The following ATP6V1F variants were observed in gnomAD, a reference collection of about 807,000 sequenced individuals.
The protein encoded by ATP6V1F is ATPase H+ transporting V1 subunit F, also known as V-type proton ATPase subunit F.
A neutral mutation model predicts 6.6 loss-of-function variants in ATP6V1F; 4 were observed. The ratio of observed to expected loss-of-function variants is 0.60; its 90% confidence interval spans 0.30 to 1.38. The LOEUF (loss-of-function observed/expected upper bound fraction) is 1.38, where lower values mean the gene tolerates loss of function less well. Ranked by LOEUF, ATP6V1F falls within the 40% of genes most tolerant of loss-of-function variation. The pLI is 0.08. For synonymous variants in ATP6V1F, 68 were observed against 66.9 expected (o/e 1.02, Z -0.08); for missense variants, 136 against 165.5 (o/e 0.82, Z 0.98).
chr7:128,865,339 A>G lies in ATP6V1F; in HGVS notation c.159-38A>G, dbSNP rs772790071. The G allele has an allele frequency of 6.2e-7, 1 of 1,610,422 alleles. No individual in the cohort carries two copies. On this transcript the variant is annotated intron_variant, in intron 1 of 1. Coordinates refer to ENST00000249289, the MANE Select transcript of ATP6V1F (RefSeq NM_004231.4). This position sits in a 1 kb window ranked among gnomAD's most constrained non-coding sequence, Gnocchi z 4.4. Reference sequence around the variant, plus strand: ...CTGGGTAGGAGAGACGGCAGCCCCCAGAGCTGTCCTGGACTCCCTTCTCAT... The same window carrying G: ...CTGGGTAGGAGAGACGGCAGCCCCCGGAGCTGTCCTGGACTCCCTTCTCAT...
chr7:128,862,987 T>C lies in ATP6V1F; in HGVS notation c.83T>C (p.Leu28Pro). 3 of 1,613,534 alleles carry C rather than the reference T, an allele frequency of 1.9e-6. No homozygotes were observed. Among genetic ancestry groups the C allele is most frequent in the Non-Finnish European group, 1.7e-6 (2 of 1,179,746 alleles). Residue 28 changes from leucine (L) to proline (P), a missense_variant, in exon 1 of 2, where the codon CTT becomes CCT. By Grantham distance (98) the Leu-to-Pro change is moderately conservative (BLOSUM62 -3). Transcript: ENST00000249289. Reference sequence around the variant, plus strand: ...TTCCTGCTGGGCGGCATAGGGGAGCTTAACAAGAACCGCCATCCCAATTTC... The same window carrying C: ...TTCCTGCTGGGCGGCATAGGGGAGCCTAACAAGAACCGCCATCCCAATTTC... ...TGFLLGGIGELNKNRHPNFLV... is the reference protein window; with the variant it reads ...TGFLLGGIGEPNKNRHPNFLV...
Position 128,865,478 on chromosome 7 carries a change from C to T in ATP6V1F, c.260C>T (p.Ala87Val), listed in dbSNP as rs1285004015. ...GACGCCCACCAGCAGTCCATCCCCG[C>T]TGTCCTGGAGATCCCCTCCAAGGAG... ...ALDAHQQSIP[A>V]VLEIPSKEHP... Residue 87 changes from alanine (A) to valine (V), a missense_variant, in exon 2 of 2, where the codon GCT becomes GTT. Coordinates refer to ENST00000249289, the MANE Select transcript of ATP6V1F (RefSeq NM_004231.4). The surrounding 1 kb of genome is among the most constrained non-coding windows in gnomAD (Gnocchi z 4.4). The T allele has an allele frequency of 6.2e-7, 1 of 1,614,194 alleles. No individual in the cohort carries two copies. Among genetic ancestry groups the T allele is most frequent in the Non-Finnish European group, 8.5e-7 (1 of 1,180,046 alleles).
In ATP6V1F at chr7:128,863,020, TGGA is replaced by T; in HGVS notation, c.118_120del (p.Glu40del). The T allele has an allele frequency of 2.5e-6, 4 of 1,613,262 alleles. No homozygotes were observed. The highest frequency in any genetic ancestry group is 1.7e-6 in the Non-Finnish European group (2 of 1,179,684). On this transcript the variant is annotated inframe_deletion, in exon 1 of 2. Coordinates refer to ENST00000249289, the MANE Select transcript of ATP6V1F (RefSeq NM_004231.4). ...AACCGCCATCCCAATTTCCTGGTGG[TGGA>T]GAAGGATACAACCATCAATGAGATC...
chr7:128,863,438 C>T (rs1441471137), intron 1 of ATP6V1F, among the ~76,000 whole-genome samples: 1 of 152,164 alleles, frequency 6.6e-6, no homozygotes, highest in Non-Finnish European at 1.5e-5. Context: ...GGGTAAGGCA[C>T]ACACTAAAGT....
At chr7:128,864,290 G>A (rs984440269) in intron 1 of ATP6V1F, among the ~76,000 whole-genome samples, 14 of 151,808 alleles carry the variant, frequency 9.2e-5, no homozygotes, top group African/African-American at 2.7e-4. Flanking sequence ...ACTGCAGTGA[G>A]CCGAGATCCA....
At chr7:128,864,681 G>A (rs1339852577) in intron 1 of ATP6V1F, among the ~76,000 whole-genome samples, 1 of 151,146 alleles carries the variant, frequency 6.6e-6, no homozygotes, top group African/African-American at 2.4e-5. Flanking sequence ...GCTCACTGCG[G>A]CCTCGACTTC....
chr7:128,862,918 G>T lies in ATP6V1F; in HGVS notation c.14G>T (p.Gly5Val), dbSNP rs147175274. The T allele has an allele frequency of 2.0e-4, 329 of 1,607,648 alleles. 1 individual carries two copies. Among genetic ancestry groups the T allele is most frequent in the Middle Eastern group, 9.9e-4 (6 of 6,036 alleles). The stretch of plus-strand genomic sequence containing the variant: ...CCGGCTGCAGGGATGGCGGGGAGGG[G>T]TAAGCTCATCGCAGTGATCGGAGAC... MAGR[G>V]KLIAVIGDED... Residue 5 changes from glycine (G) to valine (V), a missense_variant, in exon 1 of 2, where the codon GGT becomes GTT. Gly to Val is a moderately radical substitution (Grantham distance 109, BLOSUM62 -3). Transcript: ENST00000249289.
intron 1 of ATP6V1F, among the ~76,000 whole-genome samples, chr7:128,863,707 T>C (rs569127803): frequency 6.6e-6 from 1 of 152,248 alleles, no homozygotes; most frequent in African/African-American, 2.4e-5. Flanking sequence ...GTGACTGGAA[T>C]TAAGGATACC....
In ATP6V1F at chr7:128,865,138, G is replaced by A. The variant is rs935909658; in HGVS notation, c.159-239G>A. 27 of 1,536,068 alleles carry A rather than the reference G, an allele frequency of 1.8e-5. No homozygotes were observed. The highest frequency in any genetic ancestry group is 1.7e-4 in the Middle Eastern group (1 of 6,012). On this transcript the variant is annotated intron_variant, in intron 1 of 1. Coordinates refer to ENST00000249289, the MANE Select transcript of ATP6V1F (RefSeq NM_004231.4). This position sits in a 1 kb window ranked among gnomAD's most constrained non-coding sequence, Gnocchi z 4.4. ...TTACCAGTTCACTTGGAAGCCTTCC[G>A]GGCAGTGTTGTAGAAGCCAACCCTA...
At position 128,865,378 on chromosome 7, in the gene ATP6V1F, C is replaced by T. The variant is rs1409458793; in HGVS notation, c.160C>T (p.Gln54Ter). Residue 54 changes from glutamine (Q) to a stop codon, truncating the protein, a stop_gained and splice_region_variant, in exon 2 of 2, where the codon CAA becomes TAA. Transcript: ENST00000249289. LOFTEE classifies it high-confidence loss of function. This position sits in a 1 kb window ranked among gnomAD's most constrained non-coding sequence, Gnocchi z 4.4. ...TINEIEDTFRQFLNRDDIGII... is the reference protein window; with the variant it reads ...TINEIEDTFR The stretch of plus-strand genomic sequence containing the variant: ...CTCCCTTCTCATCTCTCCCCACAGG[C>T]AATTTCTAAACCGGGATGACATTGG... 2.5e-6 allele frequency: 4 copies of T among 1,613,974 alleles called. No individual in the cohort carries two copies. Among genetic ancestry groups the T allele is most frequent in the Non-Finnish European group, 3.4e-6 (4 of 1,180,018 alleles).
intron 1 of ATP6V1F, among the ~76,000 whole-genome samples, chr7:128,864,675 A>G (rs556140487): frequency 6.8e-6 from 1 of 146,388 alleles, no homozygotes; most frequent in East Asian, 2.0e-4. Flanking sequence ...ATCGCAGCTC[A>G]CTGCGGCCTC....
chr7:128,865,431 A>G lies in ATP6V1F; in HGVS notation c.213A>G (p.Ala71=). Residue 71 remains alanine (A), a synonymous_variant, in exon 2 of 2, where the codon GCA becomes GCG. Coordinates refer to ENST00000249289, the MANE Select transcript of ATP6V1F (RefSeq NM_004231.4). The surrounding 1 kb of genome is among the most constrained non-coding windows in gnomAD (Gnocchi z 4.4). Reference sequence around the variant, plus strand: ...TCATCCTCATCAACCAGTACATCGCAGAGATGGTGCGGCATGCCCTGGACG... The same window carrying G: ...TCATCCTCATCAACCAGTACATCGCGGAGATGGTGCGGCATGCCCTGGACG... The part of the protein sequence containing the change: ...IGIILINQYI[A]EMVRHALDAH... 6.2e-7 allele frequency: 1 copy of G among 1,614,196 alleles called. No homozygotes were observed. Among genetic ancestry groups the G allele is most frequent in the African/African-American group, 1.3e-5 (1 of 75,068 alleles).
chr7:128,865,351 G>T lies in ATP6V1F; in HGVS notation c.159-26G>T. ...GACGGCAGCCCCCAGAGCTGTCCTGGACTCCCTTCTCATCTCTCCCCACAG... is the reference window on the plus strand; with the variant it reads ...GACGGCAGCCCCCAGAGCTGTCCTGTACTCCCTTCTCATCTCTCCCCACAG... On this transcript the variant is annotated intron_variant, in intron 1 of 1. Transcript: ENST00000249289. This position sits in a 1 kb window ranked among gnomAD's most constrained non-coding sequence, Gnocchi z 4.4. 6.2e-7 allele frequency: 1 copy of T among 1,613,232 alleles called. No homozygotes were observed. The highest frequency in any genetic ancestry group is 8.5e-7 in the Non-Finnish European group (1 of 1,179,526).
Position 128,865,473 on chromosome 7 carries a change from C to G in ATP6V1F, c.255C>G (p.Ile85Met), listed in dbSNP as rs370506659. Residue 85 changes from isoleucine (I) to methionine (M), a missense_variant, in exon 2 of 2, where the codon ATC becomes ATG. Transcript: ENST00000249289. This position sits in a 1 kb window ranked among gnomAD's most constrained non-coding sequence, Gnocchi z 4.4. Reference protein sequence around the residue: ...RHALDAHQQSIPAVLEIPSKE... With the variant: ...RHALDAHQQSMPAVLEIPSKE... ...CCCTGGACGCCCACCAGCAGTCCAT[C>G]CCCGCTGTCCTGGAGATCCCCTCCA... is the stretch of plus-strand genomic sequence containing the variant. 1 of 1,614,168 alleles carries G rather than the reference C, an allele frequency of 6.2e-7. No homozygotes were observed. Among genetic ancestry groups the G allele is most frequent in the Non-Finnish European group, 8.5e-7 (1 of 1,180,036 alleles).
rs1468071695 is a variant in ATP6V1F, at chr7:128,865,575, C to T, written c.357C>T (p.Arg119=). ...GCATGTTCACTGCCGAAGACCTGCG[C>T]TAGGGGACTCCTCATAGCCCTCAGC... is the stretch of plus-strand genomic sequence containing the variant. ...ARGMFTAEDL[R] is the part of the protein sequence containing the mutation. Residue 119 remains arginine, a synonymous_variant, in exon 2 of 2, where the codon CGC becomes CGT. Transcript: ENST00000249289. The surrounding 1 kb of genome is among the most constrained non-coding windows in gnomAD (Gnocchi z 4.4). 1.2e-6 allele frequency: 2 copies of T among 1,613,162 alleles called. No homozygotes were observed. The highest frequency in any genetic ancestry group is 1.7e-5 in the Admixed American group (1 of 59,968).
At position 128,865,581 on chromosome 7, in the gene ATP6V1F, GA is replaced by G. The variant is rs1563008947; in HGVS notation, c.*4del. On this transcript the variant is annotated 3_prime_UTR_variant, in exon 2 of 2. Transcript: ENST00000249289. The surrounding 1 kb of genome is among the most constrained non-coding windows in gnomAD (Gnocchi z 4.4). ...TCACTGCCGAAGACCTGCGCTAGGG[GA>G]CTCCTCATAGCCCTCAGCCCTTCCC... is the stretch of plus-strand genomic sequence containing the variant. The G allele has an allele frequency of 6.2e-7, 1 of 1,612,776 alleles. No homozygotes were observed. The highest frequency in any genetic ancestry group is 1.7e-5 in the Admixed American group (1 of 59,940).
chr7:128,864,455 T>C (rs751236339), intron 1 of ATP6V1F, among the ~76,000 whole-genome samples: 8 of 152,364 alleles, frequency 5.3e-5, no homozygotes, highest in Admixed American at 3.9e-4. Flanking sequence ...CAAGGTGTCC[T>C]CTTCCTAGCT....
At position 128,862,995 on chromosome 7, in the gene ATP6V1F, A is replaced by G; in HGVS notation, c.91A>G (p.Asn31Asp). 1 of 1,613,686 alleles carries G rather than the reference A, an allele frequency of 6.2e-7. No individual in the cohort carries two copies. The highest frequency in any genetic ancestry group is 8.5e-7 in the Non-Finnish European group (1 of 1,179,824). Reference sequence around the variant, plus strand: ...GGGCGGCATAGGGGAGCTTAACAAGAACCGCCATCCCAATTTCCTGGTGGT... The same window carrying G: ...GGGCGGCATAGGGGAGCTTAACAAGGACCGCCATCCCAATTTCCTGGTGGT... ...LLGGIGELNK[N>D]RHPNFLVVEK... Residue 31 changes from asparagine to aspartate, a missense_variant, in exon 1 of 2, where the codon AAC (asparagine) becomes GAC (aspartate). Coordinates refer to ENST00000249289, the MANE Select transcript of ATP6V1F (RefSeq NM_004231.4).
chr7:128,865,476 C>A lies in ATP6V1F; in HGVS notation c.258C>A (p.Pro86=). The A allele has an allele frequency of 2.5e-6, 4 of 1,614,160 alleles. No homozygotes were observed. Among genetic ancestry groups the A allele is most frequent in the Non-Finnish European group, 3.4e-6 (4 of 1,180,040 alleles). The change falls in exon 2 of 2, where the codon CCC becomes CCA. Residue 86 remains proline, a synonymous_variant. Coordinates refer to ENST00000249289, the MANE Select transcript of ATP6V1F (RefSeq NM_004231.4). This position sits in a 1 kb window ranked among gnomAD's most constrained non-coding sequence, Gnocchi z 4.4. ...HALDAHQQSI[P]AVLEIPSKEH... ...TGGACGCCCACCAGCAGTCCATCCC[C>A]GCTGTCCTGGAGATCCCCTCCAAGG...
Sources: allele counts gnomAD v4.1 joint callset (sites outside exome capture counted in the v4.1 genomes callset), GRCh38; gene constraint gnomAD v4.1.1; non-coding constraint Gnocchi (gnomAD v3.1); transcripts MANE v1.5; gene names NCBI Gene and HGNC (gene_info 2026-07-23, HGNC 2026-07-21).